Variants in ESR1 observed in about 807,000 individuals in gnomAD.
ESR1 encodes estrogen receptor 1.
A neutral mutation model predicts 52.7 loss-of-function variants in ESR1; 12 were observed. That is an observed-to-expected ratio of 0.23 (90% CI 0.15 to 0.37). The LOEUF (loss-of-function observed/expected upper bound fraction) is 0.37, where lower values mean the gene tolerates loss of function less well. Ranked by LOEUF, ESR1 falls within the 10% of genes least tolerant of loss-of-function variation. The pLI is 1.00. For missense variants in ESR1, 584 were observed against 779.7 expected, an observed-to-expected ratio of 0.75 and a Z score of 2.99; for synonymous variants, 305 against 316.8, an observed-to-expected ratio of 0.96 and a Z score of 0.39.
chr6:151,829,929 A>C (rs755469508), intron 1 of ESR1, among the ~76,000 whole-genome samples: 3 of 152,224 alleles, frequency 2.0e-5, no homozygotes, highest in Non-Finnish European at 4.4e-5. Context: ...ATTGACAGCA[A>C]TGTGATCCCT....
chr6:151,667,082 T>G (rs1251190949), intron 1 of ESR1, among the ~76,000 whole-genome samples: 7 of 152,068 alleles, frequency 4.6e-5, no homozygotes, highest in Admixed American at 2.6e-4. Context: ...AGACAGAAAT[T>G]CATAGATTTG....
At chr6:151,889,489 G>A (rs1794382425) in intron 3 of ESR1, among the ~76,000 whole-genome samples, 1 of 152,036 alleles carries the variant, frequency 6.6e-6, no homozygotes, top group Non-Finnish European at 1.5e-5. Context: ...GCATTTCTGT[G>A]CTATCAGTTG....
chr6:151,949,380 A>T (rs1423172454), intron 4 of ESR1, among the ~76,000 whole-genome samples: 1 of 152,206 alleles, frequency 6.6e-6, no homozygotes, highest in Non-Finnish European at 1.5e-5. Flanking sequence ...TAGATTTCAG[A>T]GATTTAGCAG....
chr6:151,814,839 C>G (rs1487521751), intron 1 of ESR1, among the ~76,000 whole-genome samples: 1 of 152,144 alleles, frequency 6.6e-6, no homozygotes, highest in African/African-American at 2.4e-5. Flanking sequence ...AGTCTTATAG[C>G]ATGAATAGGT....
chr6:151,988,974 AC>A (rs2040770398), intron 4 of ESR1, among the ~76,000 whole-genome samples: 2 of 152,080 alleles, frequency 1.3e-5, no homozygotes, highest in South Asian at 4.1e-4. Flanking sequence ...GGGGAATAAT[AC>A]CTTTATAAAG....
chr6:151,925,128 TTTTG>T (rs560240212), intron 3 of ESR1, among the ~76,000 whole-genome samples: 5 of 149,152 alleles, frequency 3.4e-5, no homozygotes, highest in Non-Finnish European at 6.0e-5. Flanking sequence ...ATCTGGTTTT[TTTTG>T]TTTGTTTGTT....
chr6:152,092,197 G>A (rs543474579), intron 6 of ESR1, among the ~76,000 whole-genome samples: 2 of 152,338 alleles, frequency 1.3e-5, no homozygotes, highest in East Asian at 1.9e-4. Flanking sequence ...TGGAACATAA[G>A]TGAAGTAATT....
chr6:152,097,020 T>C (rs2050663211), intron 7 of ESR1, among the ~76,000 whole-genome samples: 1 of 152,200 alleles, frequency 6.6e-6, no homozygotes, highest in Non-Finnish European at 1.5e-5. Flanking sequence ...GCACTAAATA[T>C]ACAACCCTGG....
intron 2 of ESR1, among the ~76,000 whole-genome samples, chr6:151,777,187 G>A (rs756888981): frequency 2.7e-5 from 4 of 146,066 alleles, no homozygotes; most frequent in South Asian, 2.2e-4. Flanking sequence ...GTGTGATCTC[G>A]GCTCACTGCA....
chr6:151,823,468 G>C (rs540029463), intron 1 of ESR1, among the ~76,000 whole-genome samples: 1 of 151,728 alleles, frequency 6.6e-6, no homozygotes, highest in Non-Finnish European at 1.5e-5. Context: ...TTTTGTTTTT[G>C]TTTTTCTTTT....
chr6:151,813,687 A>G, intron 1 of ESR1, among the ~76,000 whole-genome samples: 1 of 152,236 alleles, frequency 6.6e-6, no homozygotes, highest in Non-Finnish European at 1.5e-5. Context: ...TTAGAGGGAC[A>G]AATTAGTTTG....
chr6:151,745,412 A>G lies in ESR1; in HGVS notation c.-71+43407A>G, dbSNP rs116241552. On this transcript the variant is annotated intron_variant, in intron 2 of 2. Transcript: ENST00000404742. ...GGGGTGTTATCAGCACATTTATCCT[A>G]TTGAAATGACTAGAGGAACCCATAA... Among the ~76,000 whole-genome samples, 748 of 152,304 alleles carry G rather than the reference A, an allele frequency of 4.9e-3. 7 individuals are homozygous for G. The highest frequency in any genetic ancestry group is 0.017 in the African/African-American group (713 of 41,568).
intron 1 of ESR1, among the ~76,000 whole-genome samples, chr6:151,811,647 T>G (rs774345427): frequency 2.6e-5 from 4 of 152,200 alleles, no homozygotes; most frequent in Non-Finnish European, 5.9e-5. Flanking sequence ...AAAGTGAGAT[T>G]TAAGTGACTA....
At chr6:152,049,396 T>A (rs1293576969) in intron 5 of ESR1, among the ~76,000 whole-genome samples, 1 of 152,130 alleles carries the variant, frequency 6.6e-6, no homozygotes, top group Non-Finnish European at 1.5e-5. Flanking sequence ...GTGAAAAAAG[T>A]AAATAGCAAG....
chr6:151,773,996 AC>A (rs1785738566), intron 2 of ESR1, among the ~76,000 whole-genome samples: 1 of 141,652 alleles, frequency 7.1e-6, no homozygotes, highest in African/African-American at 2.9e-5. Flanking sequence ...TGAGGGACAG[AC>A]TGGGACATGA....
At chr6:152,048,398 G>C (rs2046407913) in intron 5 of ESR1, among the ~76,000 whole-genome samples, 1 of 148,280 alleles carries the variant, frequency 6.7e-6, no homozygotes, top group African/African-American at 2.5e-5. Flanking sequence ...CTCACTCACA[G>C]AGGGCTTCTC....
intron 5 of ESR1, among the ~76,000 whole-genome samples, chr6:152,019,702 A>C (rs999456362): frequency 6.6e-6 from 1 of 152,228 alleles, no homozygotes; most frequent in South Asian, 2.1e-4. Flanking sequence ...ATAATATTTA[A>C]GTTACATATA....
intron 3 of ESR1, among the ~76,000 whole-genome samples, chr6:151,939,014 C>A (rs528024737): frequency 6.6e-6 from 1 of 152,276 alleles, no homozygotes; most frequent in Admixed American, 6.5e-5. Flanking sequence ...CAAATATTGT[C>A]TAGTCAGTTA....
intron 3 of ESR1, chr6:151,936,069 G>A (rs1218886902): frequency 6.6e-6 from 1 of 152,182 alleles, no homozygotes; most frequent in Non-Finnish European, 1.5e-5. Flanking sequence ...TTTGCATTGT[G>A]ACCCTTCATC....
Sources: gnomAD v4.1 joint callset for allele counts (sites outside exome capture counted in the v4.1 genomes callset) on GRCh38, gnomAD v4.1.1 for gene constraint, MANE v1.5 for transcripts, NCBI Gene and HGNC (gene_info 2026-07-23, HGNC 2026-07-21) for gene names.